Variants in RIC1 observed in about 807,000 individuals in gnomAD.
RIC1 encodes the protein RIC1 partner of RAB6A GEF complex.
A neutral mutation model predicts 169.0 loss-of-function variants in RIC1; 88 were observed. The ratio of observed to expected loss-of-function variants is 0.52; its 90% confidence interval spans 0.44 to 0.62. The LOEUF is 0.62. RIC1 is among the 20% of genes least tolerant of loss of function. The pLI is 0.00. For missense variants in RIC1, 1,877 were observed against 1,725.5 expected (o/e 1.09, Z -1.56); for synonymous variants, 790 against 601.5 (o/e 1.31, Z -4.59).
At chr9:5,768,113 A>G (rs1020189461) in intron 21 of RIC1, among the ~76,000 whole-genome samples, 1 of 152,174 alleles carries the variant, frequency 6.6e-6, no homozygotes, top group African/African-American at 2.4e-5. Context: ...TCTTTACCCC[A>G]CCACTAAACT....
chr9:5,717,557 C>G (rs947285151), intron 4 of RIC1, among the ~76,000 whole-genome samples: 12 of 152,120 alleles, frequency 7.9e-5, no homozygotes, highest in African/African-American at 2.7e-4. Flanking sequence ...AAGTTCAGTT[C>G]TTGCAGGCCA....
At chr9:5,638,915 G>C (rs1413593298) in intron 1 of RIC1, among the ~76,000 whole-genome samples, 1 of 151,938 alleles carries the variant, frequency 6.6e-6, no homozygotes, top group African/African-American at 2.4e-5. Context: ...TTTATTTGAA[G>C]TTTTTCTTCT....
At position 5,763,375 on chromosome 9, in the gene RIC1, T is replaced by A; in HGVS notation, c.2348T>A (p.Phe783Tyr). The part of the protein sequence containing the change: ...HINIYPLAVL[F>Y]EDALVLGAVN... ...AACATTTACCCGCTAGCTGTTCTGT[T>A]TGAAGATGCTTTAGTCCTTGGTGCT... Residue 783 changes from phenylalanine to tyrosine, a missense_variant, in exon 19 of 26, where the codon TTT becomes TAT. Physicochemically the swap from Phe to Tyr is conservative, Grantham distance 22. Around this residue, in one of 3 missense-constraint regions of RIC1, gnomAD observed 1,104 missense variants for 992.0 expected, o/e 1.11. Transcript: ENST00000414202. This position sits in a 1 kb window ranked among gnomAD's most constrained non-coding sequence, Gnocchi z 5.2. The A allele has an allele frequency of 1.2e-6, 2 of 1,614,186 alleles. No homozygotes were observed. Among genetic ancestry groups the A allele is most frequent in the Non-Finnish European group, 1.7e-6 (2 of 1,180,030 alleles).
chr9:5,635,014 C>T (rs543116963), intron 1 of RIC1, among the ~76,000 whole-genome samples: 1 of 152,186 alleles, frequency 6.6e-6, no homozygotes, highest in African/African-American at 2.4e-5. Context: ...TATTTTGAGA[C>T]AGGGTCTCAC....
In RIC1 at chr9:5,696,340, ACCCACAATT is replaced by A. The variant is rs1343379993; in HGVS notation, c.332+6305_332+6313del. On this transcript the variant is annotated intron_variant, in intron 3 of 25. Transcript: ENST00000414202. The stretch of plus-strand genomic sequence containing the variant: ...TTTCTCCATATCTTGAACACATCGA[ACCCACAATT>A]CCTATTTAATGCCTCTATTCCTTTG... Among the ~76,000 whole-genome samples, 7 of 152,128 alleles carry A rather than the reference ACCCACAATT, an allele frequency of 4.6e-5. No individual in the cohort carries two copies. The South Asian group carries it at 1.5e-3, about 32-fold the overall frequency.
chr9:5,629,566 C>G, intron 1 of RIC1, 113 bp downstream of exon 1: 1 of 1,169,216 alleles, frequency 8.6e-7, no homozygotes, highest in Non-Finnish European at 1.1e-6. Context: ...GCCAGACCCA[C>G]CTGCCTTCGC....
downstream of RIC1, among the ~76,000 whole-genome samples, chr9:5,777,410 A>AAAAAAC (rs35735373): frequency 6.6e-6 from 1 of 151,908 alleles, no homozygotes; most frequent in Non-Finnish European, 1.5e-5. Flanking sequence ...TGCTAAAAAA[A>AAAAAAC]AAAAACAAAT....
At chr9:5,736,325 C>T (rs1012897752) in intron 7 of RIC1, among the ~76,000 whole-genome samples, 2 of 152,204 alleles carry the variant, frequency 1.3e-5, no homozygotes, top group Non-Finnish European at 1.5e-5. Context: ...TTCCCTCCCA[C>T]CTGATACAGC....
intron 3 of RIC1, among the ~76,000 whole-genome samples, chr9:5,696,366 A>G (rs138890386): frequency 6.6e-6 from 1 of 151,984 alleles, no homozygotes; most frequent in Admixed American, 6.5e-5. Flanking sequence ...TAATGCCTCT[A>G]TTCCTTTGTT....
At chr9:5,743,627 A>C in intron 9 of RIC1, 62 bp from the exon 10 acceptor site, 1 of 1,306,232 alleles carries the variant, frequency 7.7e-7, no homozygotes, top group Non-Finnish European at 1.1e-6. Flanking sequence ...AAAACACTAA[A>C]TTTTATGTGT....
At chr9:5,762,223 A>C (rs757789857) in intron 17 of RIC1, among the ~76,000 whole-genome samples, 1 of 152,190 alleles carries the variant, frequency 6.6e-6, no homozygotes, top group Non-Finnish European at 1.5e-5. Flanking sequence ...TTCTGTTGTT[A>C]TGACAGCTAG....
At chr9:5,674,415 C>A (rs1484781437) in intron 2 of RIC1, among the ~76,000 whole-genome samples, 4 of 152,000 alleles carry the variant, frequency 2.6e-5, no homozygotes, top group Non-Finnish European at 4.4e-5. Flanking sequence ...TTAATATAAG[C>A]CAGATTACTA....
intron 3 of RIC1, among the ~76,000 whole-genome samples, chr9:5,710,874 A>T (rs1250025985): frequency 6.6e-6 from 1 of 152,188 alleles, no homozygotes; most frequent in African/African-American, 2.4e-5. Context: ...TTCCCTGGAT[A>T]TAGAATAAAA....
At chr9:5,749,764 CTTTTTTTTTTTT>C (rs769556596) in intron 12 of RIC1, among the ~76,000 whole-genome samples, 18 of 36,332 alleles carry the variant, frequency 5.0e-4, no homozygotes, top group East Asian at 1.4e-3. Context: ...AAAGGCGGTG[CTTTTTTTTTTTT>C]TTTTTTTTTT....
intron 4 of RIC1, among the ~76,000 whole-genome samples, chr9:5,717,354 T>C (rs1430748298): frequency 6.6e-6 from 1 of 152,046 alleles, no homozygotes; most frequent in Non-Finnish European, 1.5e-5. Context: ...GAGAATGTAG[T>C]TTGGAATAAA....
At chr9:5,750,705 A>ATAAAAG (rs1825668845) in intron 12 of RIC1, among the ~76,000 whole-genome samples, 1 of 151,820 alleles carries the variant, frequency 6.6e-6, no homozygotes, top group African/African-American at 2.4e-5. Flanking sequence ...GTACCTTAGC[A>ATAAAAG]CTCAGTTTTC....
intron 25 of RIC1, among the ~76,000 whole-genome samples, 179 bp from the exon 26 acceptor site, chr9:5,773,779 C>A (rs1422840604): frequency 2.0e-5 from 3 of 152,152 alleles, no homozygotes; most frequent in Non-Finnish European, 4.4e-5. Context: ...AATGTGCAGC[C>A]CCCTCTGCTG....
chr9:5,657,743 AG>A (rs1285943039), intron 2 of RIC1, among the ~76,000 whole-genome samples: 1 of 152,112 alleles, frequency 6.6e-6, no homozygotes, highest in Non-Finnish European at 1.5e-5. Context: ...CTATAGCAGG[AG>A]TTTGCAGATG....
intron 8 of RIC1, among the ~76,000 whole-genome samples, chr9:5,739,584 T>C (rs890153502): frequency 2.6e-5 from 4 of 152,250 alleles, no homozygotes; most frequent in Admixed American, 2.0e-4. Context: ...ACAGAGGTGT[T>C]GGGAGTGGCT....
Sources: allele counts gnomAD v4.1 joint callset (sites outside exome capture counted in the v4.1 genomes callset), GRCh38; gene constraint gnomAD v4.1.1; regional missense constraint gnomAD v4.1.1; non-coding constraint Gnocchi (gnomAD v3.1); transcripts MANE v1.5; gene names NCBI Gene and HGNC (gene_info 2026-07-23, HGNC 2026-07-21).